MTF2: variants seen among roughly 807,000 people sequenced by gnomAD.
MTF2 encodes metal-response element-binding transcription factor 2.
MTF2 carries 11 observed loss-of-function variants against 79.5 expected under a neutral mutation model. The ratio of observed to expected loss-of-function variants is 0.14; its 90% CI spans 0.09 to 0.23. The LOEUF (loss-of-function observed/expected upper bound fraction) is 0.23, where lower values mean the gene tolerates loss of function less well. Ranked by LOEUF, MTF2 falls within the 10% of genes least tolerant of loss-of-function variation. The probability of loss-of-function intolerance (pLI) is 1.00; values close to 1 mark genes in which losing one functional copy is unlikely to be tolerated. For missense variants in MTF2, 486 were observed against 711.2 expected (o/e 0.68, Z 3.60); for synonymous variants, 208 against 232.8 (o/e 0.89, Z 0.97).
rs546609826 is a variant in MTF2 at position 93,137,063 on chromosome 1, T to C, written c.*36T>C. 28 of 1,556,648 alleles carry C rather than the reference T, an allele frequency of 1.8e-5. No homozygotes were observed. In the African/African-American group the frequency reaches 3.7e-4, roughly 20 times the overall value. Reference sequence around the variant, plus strand: ...GAACATTATGTTCACTGCACTCTGATTTTCTGTAGGTACAGTTCAAAGCCC... The same window carrying C: ...GAACATTATGTTCACTGCACTCTGACTTTCTGTAGGTACAGTTCAAAGCCC... On this transcript the variant is annotated 3_prime_UTR_variant, in exon 15 of 15. Transcript: ENST00000370298.
rs998939745 is a variant in MTF2, at chr1:93,079,433, C to T, written c.-94C>T. On this transcript the variant is annotated 5_prime_UTR_variant, in exon 1 of 15. Coordinates refer to ENST00000370298, the MANE Select transcript of MTF2 (RefSeq NM_007358.4). ...GCCGGGTACCCGGTGGGGCGGGTGCCCAGTAAGTGCTCGGACTCGCAGGGG... is the reference window on the plus strand; with the variant it reads ...GCCGGGTACCCGGTGGGGCGGGTGCTCAGTAAGTGCTCGGACTCGCAGGGG... The T allele has an allele frequency of 6.5e-6, 10 of 1,533,918 alleles. No individual in the cohort carries two copies. The highest frequency in any genetic ancestry group is 9.0e-7 in the Non-Finnish European group (1 of 1,110,026).
At chr1:93,101,568 G>GTTGTTTTTTT (rs1655536351) in intron 1 of MTF2, among the ~76,000 whole-genome samples, 1 of 25,398 alleles carries the variant, frequency 3.9e-5, no homozygotes, top group Non-Finnish European at 6.6e-5. Context: ...GCTCAGGCTG[G>GTTGTTTTTTT]TTTTTTTTTT....
chr1:93,088,163 A>G (rs1207326629), intron 1 of MTF2, among the ~76,000 whole-genome samples: 1 of 152,156 alleles, frequency 6.6e-6, no homozygotes, highest in Non-Finnish European at 1.5e-5. Context: ...TATAATGACA[A>G]CGCTGAACTT....
intron 1 of MTF2, among the ~76,000 whole-genome samples, chr1:93,094,706 C>T (rs1655210635): frequency 6.6e-6 from 1 of 152,088 alleles, no homozygotes; most frequent in African/African-American, 2.4e-5. Flanking sequence ...AAGACTATTT[C>T]ACATGTGCTG....
intron 1 of MTF2, among the ~76,000 whole-genome samples, chr1:93,096,062 C>G (rs1020637260): frequency 6.6e-6 from 1 of 152,170 alleles, no homozygotes; most frequent in African/African-American, 2.4e-5. Flanking sequence ...CTTCTCATTC[C>G]TCATTGTTCT....
intron 1 of MTF2, among the ~76,000 whole-genome samples, chr1:93,108,630 T>G (rs1409476031): frequency 2.7e-5 from 4 of 147,986 alleles, no homozygotes; most frequent in Admixed American, 1.3e-4. Flanking sequence ...TTTTTTTGCC[T>G]TTCAGCATTT....
chr1:93,105,419 C>T (rs1399193074), intron 1 of MTF2, among the ~76,000 whole-genome samples: 2 of 152,134 alleles, frequency 1.3e-5, no homozygotes, highest in East Asian at 3.9e-4. Context: ...TGGGAGGGTG[C>T]CCAGAGAGAA....
intron 1 of MTF2, among the ~76,000 whole-genome samples, chr1:93,099,034 C>G (rs193278915): frequency 1.0e-3 from 152 of 152,162 alleles, no homozygotes; most frequent in Non-Finnish European, 4.6e-4. Context: ...CCACCTATAC[C>G]CAGTTGTCCA....
At chr1:93,105,667 T>TTG (rs34818210) in intron 1 of MTF2, among the ~76,000 whole-genome samples, 28,904 of 150,894 alleles carry the variant, frequency 0.19, 2,958 homozygotes, top group East Asian at 0.35. Context: ...TGAATGTTGT[T>TTG]TGTGTGTGTG....
rs1656909763 is a variant in MTF2 at position 93,131,331 on chromosome 1, GAA to G, written c.1160+1887_1160+1888del. ...TAGTGAGAGGTAGATTAAAATGAAA[GAA>G]AAATATTTATTGCATAAGGTATCAT... On this transcript the variant is annotated intron_variant, in intron 11 of 14. Transcript: ENST00000370298. Among the ~76,000 whole-genome samples the G allele has an allele frequency of 1.3e-5, 2 of 152,130 alleles. 1 individual carries two copies. Among genetic ancestry groups the G allele is most frequent in the African/African-American group, 4.8e-5 (2 of 41,422 alleles).
chr1:93,135,232 A>T (rs1303686177), intron 14 of MTF2, among the ~76,000 whole-genome samples: 1 of 152,018 alleles, frequency 6.6e-6, no homozygotes, highest in Non-Finnish European at 1.5e-5. Flanking sequence ...TCGGCCTCCC[A>T]AAGTGCCGGG....
intron 1 of MTF2, among the ~76,000 whole-genome samples, chr1:93,089,932 C>T (rs1192996174): frequency 6.6e-6 from 1 of 151,694 alleles, no homozygotes; most frequent in African/African-American, 2.4e-5. Context: ...GCAACCTCAG[C>T]TTCCAGAGTA....
In MTF2 at chr1:93,119,393, A is replaced by G; in HGVS notation, c.789A>G (p.Pro263=). ...GACCAGAATACCTCAAACGTCTACC[A>G]TTACAGTGGTAAGTGTGGACCTTTC... The part of the protein sequence containing the change: ...SSGPEYLKRL[P]LQWVDIAHLC... Residue 263 remains proline (P), a synonymous_variant, in exon 8 of 15, where the codon CCA becomes CCG. Transcript: ENST00000370298. The G allele has an allele frequency of 6.2e-7, 1 of 1,602,486 alleles. No individual in the cohort carries two copies. Among genetic ancestry groups the G allele is most frequent in the Non-Finnish European group, 8.5e-7 (1 of 1,174,774 alleles).
At chr1:93,092,977 T>G (rs1431893433) in intron 1 of MTF2, among the ~76,000 whole-genome samples, 1 of 151,988 alleles carries the variant, frequency 6.6e-6, no homozygotes. Context: ...GGTTAGGAGA[T>G]CGAGATCATC....
intron 1 of MTF2, among the ~76,000 whole-genome samples, chr1:93,093,055 ACC>A (rs1655137710): frequency 6.6e-6 from 1 of 151,804 alleles, no homozygotes; most frequent in South Asian, 2.1e-4. Flanking sequence ...GGTGGCACAT[ACC>A]TGTAATCCCA....
chr1:93,134,086 C>G lies in MTF2; in HGVS notation c.1320-5C>G. 2 of 1,602,366 alleles carry G rather than the reference C, an allele frequency of 1.2e-6. No homozygotes were observed. The highest frequency in any genetic ancestry group is 1.7e-4 in the Middle Eastern group (1 of 6,006). Reference sequence around the variant, plus strand: ...CGTTACACAATTTAAATTCTTTTGTCTCAGGAGAACTGAGGGAACTGCACA... The same window carrying G: ...CGTTACACAATTTAAATTCTTTTGTGTCAGGAGAACTGAGGGAACTGCACA... On this transcript the variant is annotated splice_polypyrimidine_tract_variant and splice_region_variant and intron_variant, in intron 13 of 14. Transcript: ENST00000370298.
chr1:93,106,069 G>A (rs553465425), intron 1 of MTF2, among the ~76,000 whole-genome samples: 1 of 151,522 alleles, frequency 6.6e-6, no homozygotes, highest in African/African-American at 2.4e-5. Context: ...GAAAAAATGA[G>A]GAGGTGGTGG....
At position 93,120,200 on chromosome 1, in the gene MTF2, G is replaced by C. The variant is rs542000330; in HGVS notation, c.798-349G>C. The C allele has an allele frequency of 4.5e-5, 7 of 156,510 alleles. No homozygotes were observed. The East Asian group carries it at 1.3e-3, about 30-fold the overall frequency. The allele number at this position is 156,510 out of a possible 1,614,324, so 9.7% of individuals were successfully genotyped here. On this transcript the variant is annotated intron_variant, in intron 8 of 14. Transcript: ENST00000370298. ...ACTCGGGAGGCTGAGGGAGGCTGAG[G>C]CAGGAGAATCGCTTGAACCCACGGG...
chr1:93,124,942 AC>A (rs1656631690), intron 9 of MTF2, among the ~76,000 whole-genome samples: 1 of 152,076 alleles, frequency 6.6e-6, no homozygotes, highest in African/African-American at 2.4e-5. Flanking sequence ...TAATGGTTGT[AC>A]TTTTAGTTTG....
Sources: allele counts gnomAD v4.1 joint callset (sites outside exome capture counted in the v4.1 genomes callset), GRCh38; gene constraint gnomAD v4.1.1; transcripts MANE v1.5; gene names NCBI Gene and HGNC (gene_info 2026-07-23, HGNC 2026-07-21).